The following SPAG16 variants were observed in gnomAD, a reference collection of about 807,000 sequenced individuals.
SPAG16 encodes sperm-associated antigen 16 protein.
In SPAG16, 86 loss-of-function variants were observed where a neutral mutation model predicts 80.4. The observed-to-expected ratio is 1.07, with a 90% CI of 0.90 to 1.28. The LOEUF (loss-of-function observed/expected upper bound fraction) is 1.28, where lower values mean the gene tolerates loss of function less well. SPAG16 is among the 50% of genes most tolerant of loss of function. The pLI, the probability that SPAG16 is intolerant of heterozygous loss-of-function variation, is 0.00. For synonymous variants in SPAG16, 294 were observed against 265.9 expected, an observed-to-expected ratio of 1.11 and a Z score of -1.03; for missense variants, 870 against 765.3, an observed-to-expected ratio of 1.14 and a Z score of -1.61.
intron 11 of SPAG16, among the ~76,000 whole-genome samples, chr2:213,925,660 G>A (rs2078438076): frequency 6.6e-6 from 1 of 152,102 alleles, no homozygotes; most frequent in Non-Finnish European, 1.5e-5. Context: ...CCTTGTTCTT[G>A]TTTTGAGAGA....
At chr2:213,349,470 A>C (rs1314727819) in intron 6 of SPAG16, among the ~76,000 whole-genome samples, 1 of 152,204 alleles carries the variant, frequency 6.6e-6, no homozygotes, top group Non-Finnish European at 1.5e-5. Flanking sequence ...GCAATAATGT[A>C]GGGTACCCAG....
chr2:213,428,955 G>T (rs1213429022), intron 9 of SPAG16, among the ~76,000 whole-genome samples: 1 of 151,986 alleles, frequency 6.6e-6, no homozygotes, highest in Non-Finnish European at 1.5e-5. Context: ...AGCTGAGCAT[G>T]GTGGCAGGCT....
At chr2:214,244,486 A>T (rs1217042970) in intron 15 of SPAG16, among the ~76,000 whole-genome samples, 1 of 151,982 alleles carries the variant, frequency 6.6e-6, no homozygotes. Flanking sequence ...ACTAAGTTTC[A>T]TAGTTTCTGA....
chr2:213,705,249 A>G (rs2065690248), intron 10 of SPAG16, among the ~76,000 whole-genome samples: 1 of 150,318 alleles, frequency 6.7e-6, no homozygotes. Context: ...CTCTGTCTCA[A>G]AAATAAGAAA....
At chr2:214,205,530 G>A (rs1035493251) in intron 15 of SPAG16, among the ~76,000 whole-genome samples, 5 of 151,972 alleles carry the variant, frequency 3.3e-5, no homozygotes, top group Admixed American at 1.3e-4. Context: ...AAACTACACA[G>A]TCAGTATTAT....
intron 11 of SPAG16, among the ~76,000 whole-genome samples, chr2:213,889,975 G>T (rs564277232): frequency 6.6e-6 from 1 of 152,050 alleles, no homozygotes; most frequent in Admixed American, 6.6e-5. Context: ...ATTTTACAGT[G>T]TGTAAGGTGG....
In SPAG16 at chr2:214,410,143, G is replaced by A. The variant is rs1267091621; in HGVS notation, c.1724G>A (p.Arg575Gln). The A allele has an allele frequency of 1.2e-6, 2 of 1,613,404 alleles. No homozygotes were observed. Among genetic ancestry groups the A allele is most frequent in the African/African-American group, 1.3e-5 (1 of 74,886 alleles). ...GNEVNFDSSG[R>Q]VLAQASGNGV... ...CTCTCCTCTCTGTCTCCCTCAGGTC[G>A]AGTTTTAGCTCAGGCAAGTGGCAAT... The change falls in exon 16 of 16, where the codon CGA becomes CAA. Residue 575 changes from arginine to glutamine, a missense_variant. Transcript: ENST00000331683.
At chr2:213,948,565 G>C (rs1368973251) in intron 12 of SPAG16, among the ~76,000 whole-genome samples, 1 of 151,924 alleles carries the variant, frequency 6.6e-6, no homozygotes, top group East Asian at 1.9e-4. Context: ...TCTTTTTATT[G>C]AGTAATCCAA....
At chr2:213,953,315 G>A (rs1022001928) in intron 12 of SPAG16, among the ~76,000 whole-genome samples, 1 of 151,504 alleles carries the variant, frequency 6.6e-6, no homozygotes, top group Non-Finnish European at 1.5e-5. Context: ...AAAACAAGCA[G>A]AACAAAAAAT....
intron 14 of SPAG16, among the ~76,000 whole-genome samples, chr2:214,108,480 C>CACACACACACACACACA (rs56781283): frequency 5.7e-5 from 3 of 52,548 alleles, no homozygotes; most frequent in African/African-American, 1.4e-4. Context: ...CACACACACA[C>CACACACACACACACACA]CCCCACACAC....
At chr2:214,085,871 C>T (rs777410668) in intron 13 of SPAG16, among the ~76,000 whole-genome samples, 4 of 152,136 alleles carry the variant, frequency 2.6e-5, no homozygotes, top group Admixed American at 6.5e-5. Context: ...AGCACTTTTG[C>T]GTGATATTTA....
At chr2:213,924,732 A>G (rs544234522) in intron 11 of SPAG16, among the ~76,000 whole-genome samples, 121 of 152,186 alleles carry the variant, frequency 8.0e-4, no homozygotes, top group African/African-American at 2.8e-3. Context: ...AAAATCATAT[A>G]GCTGAATTTG....
chr2:214,258,192 C>A (rs1690835681), intron 15 of SPAG16, among the ~76,000 whole-genome samples: 1 of 151,576 alleles, frequency 6.6e-6, no homozygotes, highest in Non-Finnish European at 1.5e-5. Context: ...GCACCCATCA[C>A]TGGAGCAATG....
At chr2:214,086,409 C>T (rs1322137148) in intron 13 of SPAG16, among the ~76,000 whole-genome samples, 2 of 152,160 alleles carry the variant, frequency 1.3e-5, no homozygotes, top group African/African-American at 2.4e-5. Context: ...ATGCAAATCT[C>T]ATCATGAATT....
At chr2:214,378,119 G>A (rs1457051058) in intron 15 of SPAG16, among the ~76,000 whole-genome samples, 1 of 152,066 alleles carries the variant, frequency 6.6e-6, no homozygotes, top group African/African-American at 2.4e-5. Flanking sequence ...AGCACAGAAA[G>A]GGATTCTTCT....
intron 9 of SPAG16, among the ~76,000 whole-genome samples, chr2:213,440,311 A>G (rs923411119): frequency 3.3e-4 from 50 of 152,150 alleles, no homozygotes; most frequent in Admixed American, 3.2e-3. Flanking sequence ...GCACTTTGGG[A>G]GGCTGAGGCA....
rs1213031563 is a variant in SPAG16 at position 213,484,954 on chromosome 2, A to AT, written c.943-5008dup. 6.6e-5 allele frequency among the ~76,000 whole-genome samples: 10 copies of AT among 150,474 alleles called. 1 individual carries two copies. The highest frequency in any genetic ancestry group is 2.4e-4 in the African/African-American group (10 of 41,124). ...TGTTAGTGTTCTAGTAGGTATTTTT[A>AT]TCTGATTGCTGTTAGAGTTAGAGTT... On this transcript the variant is annotated intron_variant, in intron 9 of 15. Transcript: ENST00000331683.
intron 15 of SPAG16, among the ~76,000 whole-genome samples, chr2:214,235,500 A>C (rs1417235974): frequency 6.6e-6 from 1 of 152,152 alleles, no homozygotes; most frequent in Non-Finnish European, 1.5e-5. Flanking sequence ...TCGAGCATTG[A>C]GATGTCTTCC....
At chr2:214,085,063 TA>T (rs2051631578) in intron 13 of SPAG16, among the ~76,000 whole-genome samples, 1 of 152,148 alleles carries the variant, frequency 6.6e-6, no homozygotes, top group Non-Finnish European at 1.5e-5. Context: ...CAGTCTTTAA[TA>T]AGAACTAGGC....
Sources: allele counts gnomAD v4.1 joint callset (sites outside exome capture counted in the v4.1 genomes callset), GRCh38; gene constraint gnomAD v4.1.1; transcripts MANE v1.5; gene names NCBI Gene and HGNC (gene_info 2026-07-23, HGNC 2026-07-21).